The following KLHL2 variants were observed in gnomAD, a reference collection of about 807,000 sequenced individuals.
KLHL2 encodes kelch like family member 2.
In KLHL2, 15 loss-of-function variants were observed where a neutral mutation model predicts 75.8. The ratio of observed to expected loss-of-function variants is 0.20; its 90% CI spans 0.13 to 0.30. The LOEUF is 0.30. KLHL2 is among the 10% of genes least tolerant of loss of function. The probability of loss-of-function intolerance (pLI) is 1.00; values close to 1 mark genes in which losing one functional copy is unlikely to be tolerated. For missense variants in KLHL2, 381 were observed against 741.0 expected, an observed-to-expected ratio of 0.51 and a Z score of 5.64; for synonymous variants, 214 against 251.9, an observed-to-expected ratio of 0.85 and a Z score of 1.42.
At chr4:165,280,189 T>C (rs576321008) in intron 5 of KLHL2, among the ~76,000 whole-genome samples, 38 of 152,366 alleles carry the variant, frequency 2.5e-4, no homozygotes, top group Non-Finnish European at 4.9e-4. Flanking sequence ...CTATCCTCTT[T>C]ATGTGCCTGG....
chr4:165,247,204 A>T (rs1458252745), intron 4 of KLHL2, among the ~76,000 whole-genome samples: 1 of 152,194 alleles, frequency 6.6e-6, no homozygotes, highest in East Asian at 1.9e-4. Flanking sequence ...TTACTCAGAA[A>T]TGTTCCAGTG....
chr4:165,281,294 G>GCT (rs547414565), intron 5 of KLHL2, among the ~76,000 whole-genome samples: 21 of 145,698 alleles, frequency 1.4e-4, no homozygotes, highest in South Asian at 8.8e-4. Flanking sequence ...CTAACCTGAT[G>GCT]CTCTCTCTCT....
chr4:165,278,098 A>T (rs9993842), intron 5 of KLHL2: 117,230 of 1,558,370 alleles, frequency 0.075, 4,802 homozygotes, highest in Middle Eastern at 0.12. Context: ...CTGGAGATTG[A>T]GTTGTAACCC....
intron 14 of KLHL2, among the ~76,000 whole-genome samples, chr4:165,320,617 G>A (rs183825696): frequency 3.2e-4 from 49 of 152,278 alleles, no homozygotes; most frequent in African/African-American, 1.1e-3. Context: ...CAGTGCTATG[G>A]AAGAGAATCT....
intron 5 of KLHL2, among the ~76,000 whole-genome samples, chr4:165,287,956 T>G (rs932266613): frequency 5.9e-5 from 9 of 152,288 alleles, no homozygotes; most frequent in Non-Finnish European, 4.4e-5. Flanking sequence ...TTTCTTCTCT[T>G]CTACAGGTTG....
chr4:165,255,473 G>A (rs1169145412), intron 4 of KLHL2, among the ~76,000 whole-genome samples: 1 of 151,998 alleles, frequency 6.6e-6, no homozygotes, highest in Non-Finnish European at 1.5e-5. Context: ...AGGCAGGCGA[G>A]GTTGCATGTG....
chr4:165,283,455 A>G (rs1039250194), intron 5 of KLHL2, among the ~76,000 whole-genome samples: 2 of 152,168 alleles, frequency 1.3e-5, no homozygotes, highest in African/African-American at 4.8e-5. Context: ...CAAAGGGGCT[A>G]CTGGCCCCAT....
intron 12 of KLHL2, among the ~76,000 whole-genome samples, chr4:165,313,803 T>C (rs1442604137): frequency 6.6e-6 from 1 of 152,220 alleles, no homozygotes; most frequent in East Asian, 1.9e-4. Flanking sequence ...ATTTTTATTC[T>C]GTTTGACATG....
intron 4 of KLHL2, among the ~76,000 whole-genome samples, chr4:165,256,103 C>T (rs2111196366): frequency 6.6e-6 from 1 of 152,100 alleles, no homozygotes; most frequent in African/African-American, 2.4e-5. Flanking sequence ...ATGAAAGCAT[C>T]TTTACAATGT....
chr4:165,237,056 G>T (rs1327549173), intron 3 of KLHL2, among the ~76,000 whole-genome samples: 1 of 148,388 alleles, frequency 6.7e-6, no homozygotes, highest in Non-Finnish European at 1.5e-5. Context: ...GAAGGGCTTT[G>T]CATATTATTG....
intron 5 of KLHL2, among the ~76,000 whole-genome samples, chr4:165,269,329 T>C (rs1195546296): frequency 6.6e-6 from 1 of 152,224 alleles, no homozygotes; most frequent in African/African-American, 2.4e-5. Context: ...TTAATATTGT[T>C]ATGTTTGAAT....
rs1475009608 is a variant in KLHL2, at chr4:165,252,845, G to A, written c.382-10352G>A. Among the ~76,000 whole-genome samples, 11 of 152,184 alleles carry A rather than the reference G, an allele frequency of 7.2e-5. No individual in the cohort carries two copies. In the Middle Eastern group the frequency reaches 0.014, roughly 188 times the overall value. On this transcript the variant is annotated intron_variant, in intron 4 of 14. Transcript: ENST00000226725. ...AAAATTTATTTCATGGCTTATAAAT[G>A]CTGTCCGTTGACCTCTGGTTAATCT...
At position 165,310,537 on chromosome 4, in the gene KLHL2, T is replaced by C. The variant is rs112099597; in HGVS notation, c.1040-16T>C. 1.2e-6 allele frequency: 2 copies of C among 1,610,946 alleles called. No homozygotes were observed. Among genetic ancestry groups the C allele is most frequent in the South Asian group, 1.1e-5 (1 of 90,974 alleles). ...GAGTTGCATGTTGATCATTAAATGC[T>C]GTACTCCTTTTGCAGGCATGGTCTA... On this transcript the variant is annotated splice_polypyrimidine_tract_variant and intron_variant, in intron 9 of 14. Coordinates refer to ENST00000226725, the MANE Select transcript of KLHL2 (RefSeq NM_007246.4).
intron 5 of KLHL2, among the ~76,000 whole-genome samples, chr4:165,267,995 T>C (rs1742372411): frequency 6.6e-6 from 1 of 152,204 alleles, no homozygotes; most frequent in Admixed American, 6.5e-5. Context: ...CAGAACCTGT[T>C]ACTGGTCTAT....
rs539505309 is a variant in KLHL2, at chr4:165,256,590, A to G, written c.382-6607A>G. On this transcript the variant is annotated intron_variant, in intron 4 of 14. Transcript: ENST00000226725. ...ATTTCCCGGAGAAGCCACAGTCCATATATAGCTCCCCTTAACCCTTGTTAT... is the reference window on the plus strand; with the variant it reads ...ATTTCCCGGAGAAGCCACAGTCCATGTATAGCTCCCCTTAACCCTTGTTAT... Among the ~76,000 whole-genome samples the G allele has an allele frequency of 1.6e-4, 24 of 152,352 alleles. 1 individual carries two copies. In the South Asian group the frequency reaches 2.1e-3, roughly 13 times the overall value.
rs141681370 is a variant in KLHL2 at position 165,263,532 on chromosome 4, G to A, written c.544+173G>A. On this transcript the variant is annotated intron_variant, in intron 5 of 14. Coordinates refer to ENST00000226725, the MANE Select transcript of KLHL2 (RefSeq NM_007246.4). ...AACTGAAGCATACTCATAAAATTCT[G>A]AACTTAAAAAGCAAGCAACTATACA... Among the ~76,000 whole-genome samples the A allele has an allele frequency of 9.0e-3, 1,371 of 151,820 alleles. 18 individuals carry two copies. Among genetic ancestry groups the A allele is most frequent in the African/African-American group, 0.032 (1,311 of 41,416 alleles).
intron 5 of KLHL2, among the ~76,000 whole-genome samples, chr4:165,288,276 C>T (rs1744235424): frequency 6.6e-6 from 1 of 152,098 alleles, no homozygotes; most frequent in Non-Finnish European, 1.5e-5. Context: ...ATTGAGTGGT[C>T]TTGGCACTCT....
intron 3 of KLHL2, among the ~76,000 whole-genome samples, chr4:165,231,438 GA>G (rs946879044): frequency 1.3e-4 from 19 of 149,338 alleles, no homozygotes; most frequent in African/African-American, 3.4e-4. Flanking sequence ...GACAGAGTGA[GA>G]AAAAAAAAAT....
At chr4:165,244,871 T>G (rs188517422) in intron 4 of KLHL2, among the ~76,000 whole-genome samples, 2 of 152,232 alleles carry the variant, frequency 1.3e-5, no homozygotes, top group African/African-American at 4.8e-5. Context: ...TTTGTGTTTG[T>G]GTGTGTGTTT....
Sources: allele counts gnomAD v4.1 joint callset (sites outside exome capture counted in the v4.1 genomes callset), GRCh38; gene constraint gnomAD v4.1.1; transcripts MANE v1.5; gene names NCBI Gene and HGNC (gene_info 2026-07-23, HGNC 2026-07-21).